The following DAP variants were observed in gnomAD, a reference collection of about 807,000 sequenced individuals.
DAP encodes the protein death associated protein.
DAP carries 8 observed loss-of-function variants against 13.8 expected under a neutral mutation model. The observed-to-expected ratio is 0.58, with a 90% confidence interval of 0.34 to 1.05. The LOEUF (loss-of-function observed/expected upper bound fraction) is 1.05, where lower values mean the gene tolerates loss of function less well. Among genes scored for constraint, DAP ranks in the 50% least tolerant of loss-of-function variants. The pLI, the probability that DAP is intolerant of heterozygous loss-of-function variation, is 0.03. For missense variants in DAP, 106 were observed against 133.2 expected, an observed-to-expected ratio of 0.80 and a Z score of 1.01; for synonymous variants, 47 against 47.5, an observed-to-expected ratio of 0.99 and a Z score of 0.04.
chr5:10,761,191 T>C lies in DAP; in HGVS notation c.-123A>G, dbSNP rs1740349418. On this transcript the variant is annotated 5_prime_UTR_variant, in exon 1 of 4. Transcript: ENST00000230895. ...CGGGCGGGAGAACGACGCGCGCGCG[T>C]GGGGCGCCGGGGCCGCGCGAGCCGG... is the stretch of plus-strand genomic sequence containing the variant. 1 of 422,922 alleles carries C rather than the reference T, an allele frequency of 2.4e-6. No individual in the cohort carries two copies. Among genetic ancestry groups the C allele is most frequent in the Non-Finnish European group, 3.5e-6 (1 of 283,534 alleles). The allele number at this position is 422,922 out of a possible 1,614,324, so 26.2% of individuals were successfully genotyped here. A position where few individuals can be genotyped will look rare whatever the true frequency, so the allele number is the denominator to read the frequency against.
chr5:10,726,692 G>T (rs574934873), intron 2 of DAP, among the ~76,000 whole-genome samples: 3 of 152,356 alleles, frequency 2.0e-5, no homozygotes, highest in Non-Finnish European at 2.9e-5. Flanking sequence ...ATTGTGAAGG[G>T]CCTGAGGTTT....
intron 2 of DAP, among the ~76,000 whole-genome samples, chr5:10,696,943 A>G (rs772680093): frequency 4.6e-5 from 7 of 152,228 alleles, no homozygotes; most frequent in Non-Finnish European, 7.3e-5. Flanking sequence ...CAATTCAAAC[A>G]GTATAAAGCA....
At chr5:10,758,898 T>G (rs980418808) in intron 1 of DAP, among the ~76,000 whole-genome samples, 2 of 152,150 alleles carry the variant, frequency 1.3e-5, no homozygotes, top group Admixed American at 1.3e-4. Context: ...GGAGTGAGTA[T>G]GTACAGTTTA....
At chr5:10,720,945 C>G (rs529895204) in intron 2 of DAP, among the ~76,000 whole-genome samples, 1 of 152,206 alleles carries the variant, frequency 6.6e-6, no homozygotes, top group African/African-American at 2.4e-5. Flanking sequence ...GTATTCCAAA[C>G]AGTATTGCCT....
rs566719064 is a variant in DAP at position 10,755,071 on chromosome 5, A to G, written c.55+5943T>C. 6.6e-5 allele frequency among the ~76,000 whole-genome samples: 10 copies of G among 152,190 alleles called. No individual in the cohort carries two copies. The South Asian group carries it at 2.1e-3, about 32-fold the overall frequency. On this transcript the variant is annotated intron_variant, in intron 1 of 3. Transcript: ENST00000230895. Reference sequence around the variant, plus strand: ...AGAATCATAGACTGAAGGTGAGGAGATTATTCTGGATTACCCAGGTGGGCC... The same window carrying G: ...AGAATCATAGACTGAAGGTGAGGAGGTTATTCTGGATTACCCAGGTGGGCC...
At chr5:10,727,755 T>TG (rs1466063607) in intron 2 of DAP, among the ~76,000 whole-genome samples, 1 of 152,216 alleles carries the variant, frequency 6.6e-6, no homozygotes, top group East Asian at 1.9e-4. Flanking sequence ...AGTCATCCCT[T>TG]GGCATCCATG....
chr5:10,745,230 G>C (rs961447756), intron 2 of DAP, among the ~76,000 whole-genome samples: 2 of 152,136 alleles, frequency 1.3e-5, no homozygotes, highest in African/African-American at 4.8e-5. Flanking sequence ...AGCTGTTTTG[G>C]CAACTTACAT....
chr5:10,756,924 C>T (rs989722107), intron 1 of DAP, among the ~76,000 whole-genome samples: 3 of 152,232 alleles, frequency 2.0e-5, no homozygotes, highest in Non-Finnish European at 4.4e-5. Context: ...GCACTCACCC[C>T]ATTTCTCTGC....
intron 2 of DAP, among the ~76,000 whole-genome samples, chr5:10,712,371 G>A (rs62337598): frequency 7.0e-4 from 106 of 152,260 alleles, no homozygotes; most frequent in Non-Finnish European, 1.1e-3. Context: ...GAAAGAATTC[G>A]GATGGGGGAA....
chr5:10,732,194 C>G (rs561162877), intron 2 of DAP, among the ~76,000 whole-genome samples: 5 of 152,360 alleles, frequency 3.3e-5, no homozygotes, highest in Admixed American at 2.0e-4. Flanking sequence ...AGGTAACATT[C>G]ATAGAACATA....
chr5:10,694,645 A>G (rs1489414925), intron 2 of DAP, among the ~76,000 whole-genome samples: 1 of 152,218 alleles, frequency 6.6e-6, no homozygotes, highest in Non-Finnish European at 1.5e-5. Flanking sequence ...AGGTAGTCAC[A>G]GTGTGTGCTT....
chr5:10,696,411 G>A (rs1331721226), intron 2 of DAP, among the ~76,000 whole-genome samples: 4 of 152,172 alleles, frequency 2.6e-5, no homozygotes, highest in Admixed American at 6.5e-5. Flanking sequence ...AGTCATAGGC[G>A]ATTCAGAACC....
At chr5:10,738,321 C>T (rs1739665671) in intron 2 of DAP, among the ~76,000 whole-genome samples, 1 of 152,244 alleles carries the variant, frequency 6.6e-6, no homozygotes, top group South Asian at 2.1e-4. Context: ...AAAGTATTCC[C>T]CCATGAGATA....
At chr5:10,731,295 T>C (rs1429293602) in intron 2 of DAP, among the ~76,000 whole-genome samples, 1 of 151,072 alleles carries the variant, frequency 6.6e-6, no homozygotes, top group African/African-American at 2.4e-5. Flanking sequence ...AGAGCCCTGG[T>C]GGGGAGAATC....
intron 2 of DAP, among the ~76,000 whole-genome samples, chr5:10,741,650 C>T (rs910375492): frequency 6.6e-5 from 10 of 152,118 alleles, no homozygotes; most frequent in Non-Finnish European, 8.8e-5. Flanking sequence ...CTATAAAGGG[C>T]GAGATAATAA....
Position 10,679,977 on chromosome 5 carries a change from G to A in DAP, c.*1079C>T, listed in dbSNP as rs1737939833. 6.6e-6 allele frequency: 1 copy of A among 152,428 alleles called. No homozygotes were observed. Among genetic ancestry groups the A allele is most frequent in the South Asian group, 2.1e-4 (1 of 4,824 alleles). 9.4% of individuals were successfully genotyped at this position (152,428 alleles called of 1,614,324 possible). A position where few individuals can be genotyped will look rare whatever the true frequency, so the allele number is the denominator to read the frequency against. ...GACGCAGGGTACCCTACTGCCACCA[G>A]CCAGTGAGCAGACTAGGACATCTCT... On this transcript the variant is annotated 3_prime_UTR_variant, in exon 4 of 4. Coordinates refer to ENST00000230895, the MANE Select transcript of DAP (RefSeq NM_004394.3).
At position 10,759,750 on chromosome 5, in the gene DAP, T is replaced by C. The variant is rs1162656837; in HGVS notation, c.55+1264A>G. On this transcript the variant is annotated intron_variant, in intron 1 of 3. Coordinates refer to ENST00000230895, the MANE Select transcript of DAP (RefSeq NM_004394.3). ...AGAGAAGGATAATGGGAATCTTTTT[T>C]TTTTTTTTTTTTTTTTTTGAGATGG... Among the ~76,000 whole-genome samples the C allele has an allele frequency of 4.3e-5, 6 of 141,018 alleles. No individual in the cohort carries two copies. The East Asian group carries it at 1.0e-3, about 24-fold the overall frequency. The allele number at this position is 141,018 out of a possible 152,430, so 92.5% of individuals were successfully genotyped here.
chr5:10,709,231 T>C (rs981319426), intron 2 of DAP, among the ~76,000 whole-genome samples: 1 of 152,256 alleles, frequency 6.6e-6, no homozygotes, highest in African/African-American at 2.4e-5. Context: ...GAGGTATGCA[T>C]TATAAATGTT....
Position 10,680,488 on chromosome 5 carries a change from G to C in DAP, c.*568C>G, listed in dbSNP as rs1561002526. 7.5e-6 allele frequency: 4 copies of C among 536,514 alleles called. No homozygotes were observed. Among genetic ancestry groups the C allele is most frequent in the Non-Finnish European group, 6.6e-6 (2 of 305,260 alleles). 33.2% of individuals were successfully genotyped at this position (536,514 alleles called of 1,614,324 possible). A position where few individuals can be genotyped will look rare whatever the true frequency, so the allele number is the denominator to read the frequency against. ...CTATTTCTAAGATGCATGCTTTTTC[G>C]GCTTTTCTCATGGGTGCCTCATCAG... On this transcript the variant is annotated 3_prime_UTR_variant, in exon 4 of 4. Transcript: ENST00000230895.
Sources: gnomAD v4.1 joint callset for allele counts (sites outside exome capture counted in the v4.1 genomes callset) on GRCh38, gnomAD v4.1.1 for gene constraint, MANE v1.5 for transcripts, NCBI Gene and HGNC (gene_info 2026-07-23, HGNC 2026-07-21) for gene names.